The following PGR variants were observed in gnomAD, a reference collection of about 807,000 sequenced individuals.
PGR encodes progesterone receptor, also known as nuclear receptor subfamily 3 group C member 3.
Under a neutral mutation model 76.1 loss-of-function variants are expected in PGR, and 25 were observed. That is an observed-to-expected ratio of 0.33 (90% CI 0.24 to 0.46). The LOEUF is 0.46. PGR is among the 20% of genes least tolerant of loss of function. The pLI, the probability that PGR is intolerant of heterozygous loss-of-function variation, is 1.00. For missense variants in PGR, 1,172 were observed against 1,225.3 expected (o/e 0.96, Z 0.65); for synonymous variants, 579 against 535.0 (o/e 1.08, Z -1.14).
chr11:101,086,536 A>G (rs1385421458), intron 3 of PGR, among the ~76,000 whole-genome samples: 1 of 152,210 alleles, frequency 6.6e-6, no homozygotes, highest in Non-Finnish European at 1.5e-5. Context: ...GGAAAAAGTT[A>G]AGGATGCTCA....
At chr11:101,061,889 G>T (rs1442568254) in intron 4 of PGR, among the ~76,000 whole-genome samples, 1 of 152,092 alleles carries the variant, frequency 6.6e-6, no homozygotes, top group East Asian at 1.9e-4. Flanking sequence ...GTTGCTGGGC[G>T]ATATACTCTC....
At chr11:101,094,210 C>T (rs113294654) in intron 2 of PGR, among the ~76,000 whole-genome samples, 2 of 152,258 alleles carry the variant, frequency 1.3e-5, no homozygotes, top group African/African-American at 4.8e-5. Flanking sequence ...TCAAAGTTGT[C>T]GAAAACATCA....
rs1310833320 is a variant in PGR at position 101,129,366 on chromosome 11, G to C, written c.-296C>G. 3 of 389,948 alleles carry C rather than the reference G, an allele frequency of 7.7e-6. No homozygotes were observed. Among genetic ancestry groups the C allele is most frequent in the Non-Finnish European group, 9.2e-6 (2 of 217,078 alleles). The allele number at this position is 389,948 out of a possible 1,614,324, so 24.2% of individuals were successfully genotyped here. A position where few individuals can be genotyped will look rare whatever the true frequency, so the allele number is the denominator to read the frequency against. On this transcript the variant is annotated 5_prime_UTR_variant, in exon 1 of 8. Coordinates refer to ENST00000325455, the MANE Select transcript of PGR (RefSeq NM_000926.4). ...GTTAGGAGATCTCGTCTCCTAACTC[G>C]GGGAGTTCTCCAAGAGAGTTCTCCA...
At position 101,030,223 on chromosome 11, in the gene PGR, A is replaced by G; in HGVS notation, c.*8893T>C. The G allele has an allele frequency of 4.5e-6, 1 of 223,030 alleles. No individual in the cohort carries two copies. The highest frequency in any genetic ancestry group is 8.9e-6 in the Non-Finnish European group (1 of 111,752). The allele number at this position is 223,030 out of a possible 1,614,324, so 13.8% of individuals were successfully genotyped here. A position where few individuals can be genotyped will look rare whatever the true frequency, so the allele number is the denominator to read the frequency against. On this transcript the variant is annotated 3_prime_UTR_variant, in exon 8 of 8. Transcript: ENST00000325455. ...TTCCCTGCATCTCTTGCCAAGTATTAACACTAGTTTTACTAATAAGCAACG... is the reference window on the plus strand; with the variant it reads ...TTCCCTGCATCTCTTGCCAAGTATTGACACTAGTTTTACTAATAAGCAACG...
chr11:101,079,026 T>C (rs1861218460), intron 3 of PGR, among the ~76,000 whole-genome samples: 1 of 152,040 alleles, frequency 6.6e-6, no homozygotes, highest in South Asian at 2.1e-4. Context: ...GGATATACAT[T>C]GGGGAAAGGG....
chr11:101,091,803 T>C lies in PGR; in HGVS notation c.1863A>G (p.Ala621=). ...VDKIRRKNCP[A]CRLRKCCQAG... Reference sequence around the variant, plus strand: ...CCTGACAGCACTTTCTAAGGCGACATGCTGGGCAGTTTTTTCTGCGGATTT... The same window carrying C: ...CCTGACAGCACTTTCTAAGGCGACACGCTGGGCAGTTTTTTCTGCGGATTT... The change falls in exon 3 of 8, where the codon GCA becomes GCG. Residue 621 remains alanine (A), a synonymous_variant. Coordinates refer to ENST00000325455, the MANE Select transcript of PGR (RefSeq NM_000926.4). The C allele has an allele frequency of 1.2e-6, 2 of 1,610,866 alleles. No individual in the cohort carries two copies. Among genetic ancestry groups the C allele is most frequent in the Non-Finnish European group, 8.5e-7 (1 of 1,177,004 alleles).
intron 2 of PGR, among the ~76,000 whole-genome samples, chr11:101,107,194 C>T (rs1432958733): frequency 6.6e-6 from 1 of 152,074 alleles, no homozygotes; most frequent in Admixed American, 6.6e-5. Flanking sequence ...ACATGTACCC[C>T]AGAACTTAAA....
intron 3 of PGR, among the ~76,000 whole-genome samples, chr11:101,070,454 C>G (rs1222240159): frequency 6.6e-6 from 1 of 152,126 alleles, no homozygotes; most frequent in Non-Finnish European, 1.5e-5. Flanking sequence ...CCAGTGGCAC[C>G]TGGAATGCCA....
At chr11:101,053,463 G>T (rs1157822759) in intron 4 of PGR, among the ~76,000 whole-genome samples, 1 of 151,220 alleles carries the variant, frequency 6.6e-6, no homozygotes, top group Non-Finnish European at 1.5e-5. Context: ...TACTGAGAAG[G>T]GATGCTCTTC....
intron 2 of PGR, among the ~76,000 whole-genome samples, chr11:101,122,507 A>G (rs1862711547): frequency 6.6e-6 from 1 of 152,190 alleles, no homozygotes; most frequent in Admixed American, 6.5e-5. Flanking sequence ...CTGGCAGGTC[A>G]TGATTACTTC....
chr11:101,129,712 T>C lies in PGR; in HGVS notation c.-642A>G, dbSNP rs1369617744. The C allele has an allele frequency of 1.1e-5, 2 of 180,754 alleles. No homozygotes were observed. The highest frequency in any genetic ancestry group is 4.7e-5 in the African/African-American group (2 of 42,408). The allele number at this position is 180,754 out of a possible 1,614,324, so 11.2% of individuals were successfully genotyped here. On this transcript the variant is annotated 5_prime_UTR_variant, in exon 1 of 8. Coordinates refer to ENST00000325455, the MANE Select transcript of PGR (RefSeq NM_000926.4). Reference sequence around the variant, plus strand: ...CGGGAGCACTAGCCGCCTCGGGTTGTAGATTTCACTCAAATGACAAGTGAA... The same window carrying C: ...CGGGAGCACTAGCCGCCTCGGGTTGCAGATTTCACTCAAATGACAAGTGAA...
rs1859300139 is a variant in PGR, at chr11:101,030,008, G to A, written c.*9108C>T. 1 of 222,608 alleles carries A rather than the reference G, an allele frequency of 4.5e-6. No homozygotes were observed. Among genetic ancestry groups the A allele is most frequent in the African/African-American group, 2.2e-5 (1 of 44,738 alleles). The allele number at this position is 222,608 out of a possible 1,614,324, so 13.8% of individuals were successfully genotyped here. On this transcript the variant is annotated 3_prime_UTR_variant, in exon 8 of 8. Coordinates refer to ENST00000325455, the MANE Select transcript of PGR (RefSeq NM_000926.4). ...CTTGGCAAAAACCTTCAGAACAATT[G>A]TCAACATACTCTCAAATGTCTTTCC...
rs36089494 is a variant in PGR, at chr11:101,094,731, A to G, written c.1790-2855T>C. On this transcript the variant is annotated intron_variant, in intron 2 of 7. Coordinates refer to ENST00000325455, the MANE Select transcript of PGR (RefSeq NM_000926.4). ...AAATTCAAAACAGAAAATAACCTAC[A>G]ATTTGATAATCATGCATCTATTCTC... 1.8e-3 allele frequency among the ~76,000 whole-genome samples: 278 copies of G among 152,354 alleles called. 9 individuals carry two copies. The East Asian group carries it at 0.05, about 28-fold the overall frequency.
chr11:101,120,026 GA>G (rs1235551270), intron 2 of PGR, among the ~76,000 whole-genome samples: 4 of 152,192 alleles, frequency 2.6e-5, no homozygotes, highest in African/African-American at 9.6e-5. Context: ...GGGTTATAGT[GA>G]AGGCGACTTA....
intron 3 of PGR, among the ~76,000 whole-genome samples, chr11:101,077,126 A>T (rs1034656298): frequency 6.6e-6 from 1 of 151,556 alleles, no homozygotes; most frequent in Non-Finnish European, 1.5e-5. Context: ...CAATCTCTGT[A>T]TTTTTCTTTT....
At position 101,036,377 on chromosome 11, in the gene PGR, G is replaced by A. The variant is rs1469421863; in HGVS notation, c.*2739C>T. ...AGGTATAATGCTTTAGACTCAAATG[G>A]CTTTTCAAACCTTTTTACAGAAAAT... On this transcript the variant is annotated 3_prime_UTR_variant, in exon 8 of 8. Coordinates refer to ENST00000325455, the MANE Select transcript of PGR (RefSeq NM_000926.4). 8.7e-5 allele frequency: 18 copies of A among 206,360 alleles called. 1 individual carries two copies. The highest frequency in any genetic ancestry group is 3.6e-4 in the Admixed American group (6 of 16,822). 12.8% of individuals were successfully genotyped at this position (206,360 alleles called of 1,614,324 possible). A position where few individuals can be genotyped will look rare whatever the true frequency, so the allele number is the denominator to read the frequency against.
At chr11:101,065,092 C>G (rs1860667477) in intron 3 of PGR, among the ~76,000 whole-genome samples, 1 of 152,160 alleles carries the variant, frequency 6.6e-6, no homozygotes, top group African/African-American at 2.4e-5. Flanking sequence ...CAAAATGTAT[C>G]CCTACTCTTA....
At chr11:101,051,949 C>A (rs1860104251) in intron 4 of PGR, among the ~76,000 whole-genome samples, 1 of 152,056 alleles carries the variant, frequency 6.6e-6, no homozygotes, top group Non-Finnish European at 1.5e-5. Context: ...GAGAAACAAG[C>A]ACATGAGTGC....
chr11:101,053,062 A>T (rs2135396739), intron 4 of PGR, among the ~76,000 whole-genome samples: 1 of 152,306 alleles, frequency 6.6e-6, no homozygotes, highest in Middle Eastern at 3.4e-3. Flanking sequence ...AACTGAAATG[A>T]TGAAAATGGA....
Sources: allele counts gnomAD v4.1 joint callset (sites outside exome capture counted in the v4.1 genomes callset), GRCh38; gene constraint gnomAD v4.1.1; transcripts MANE v1.5; gene names NCBI Gene and HGNC (gene_info 2026-07-23, HGNC 2026-07-21).